Variants in PCDH15 observed in about 807,000 individuals in gnomAD.
PCDH15 encodes the protein protocadherin-15.
Under a neutral mutation model 178.5 loss-of-function variants are expected in PCDH15, and 129 were observed. The observed-to-expected ratio is 0.72, with a 90% CI of 0.63 to 0.84. The LOEUF (loss-of-function observed/expected upper bound fraction) is 0.84. PCDH15 is among the 40% of genes least tolerant of loss of function. The pLI, the probability that PCDH15 is intolerant of heterozygous loss-of-function variation, is 0.00. For synonymous variants in PCDH15, 800 were observed against 732.0 expected (o/e 1.09, Z -1.50); for missense variants, 2,230 against 2,099.9 (o/e 1.06, Z -1.21).
At chr10:55,408,033 A>G (rs1722983278) in intron 2 of PCDH15, among the ~76,000 whole-genome samples, 1 of 152,170 alleles carries the variant, frequency 6.6e-6, no homozygotes, top group South Asian at 2.1e-4. Flanking sequence ...CTAACCATAA[A>G]GATACCAAGA....
intron 6 of PCDH15, among the ~76,000 whole-genome samples, chr10:54,341,909 G>C (rs1430037362): frequency 6.6e-6 from 1 of 152,172 alleles, no homozygotes; most frequent in African/African-American, 2.4e-5. Context: ...TAGGGTATCT[G>C]GCAGGAGAAA....
rs921861687 is a variant in PCDH15 at position 55,527,710 on chromosome 10, C to A, written c.-156+99915G>T. Among the ~76,000 whole-genome samples the A allele has an allele frequency of 2.6e-5, 4 of 151,814 alleles. No homozygotes were observed. In the East Asian group the frequency reaches 7.8e-4, roughly 30 times the overall value. Reference sequence around the variant, plus strand: ...AAAAAGAGAAAGAATAAAAACAAAACAAAAATTTGACTTTTATGTATGACT... The same window carrying A: ...AAAAAGAGAAAGAATAAAAACAAAAAAAAAATTTGACTTTTATGTATGACT... On this transcript the variant is annotated intron_variant, in intron 2 of 5. Transcript: ENST00000613346.
At chr10:55,561,937 T>C (rs1464842518) in intron 2 of PCDH15, among the ~76,000 whole-genome samples, 1 of 151,996 alleles carries the variant, frequency 6.6e-6, no homozygotes, top group Non-Finnish European at 1.5e-5. Flanking sequence ...TGTCGTTTTA[T>C]GATTTTTTAG....
intron 2 of PCDH15, among the ~76,000 whole-genome samples, chr10:55,049,060 C>T (rs1438510296): frequency 6.6e-6 from 1 of 151,920 alleles, no homozygotes; most frequent in Admixed American, 6.6e-5. Flanking sequence ...CTCAAATTTC[C>T]TCATTCTTAG....
chr10:54,756,722 G>GAC lies in PCDH15; in HGVS notation c.-29+44202_-29+44203insGT, dbSNP rs900470881. On this transcript the variant is annotated intron_variant, in intron 1 of 37. Transcript: ENST00000644397. ...TCTGTCTGTCTGTATGTATGTGAAA[G>GAC]AGAGAGAGAGAGAGAGAGAGAAACT... Among the ~76,000 whole-genome samples, 76 of 38,654 alleles carry GAC rather than the reference G, an allele frequency of 2.0e-3. No individual in the cohort carries two copies. The South Asian group carries it at 0.039, about 20-fold the overall frequency. 25.4% of individuals were successfully genotyped at this position (38,654 alleles called of 152,430 possible).
At chr10:54,930,498 T>C (rs1462567028) in intron 2 of PCDH15, among the ~76,000 whole-genome samples, 2 of 152,140 alleles carry the variant, frequency 1.3e-5, no homozygotes, top group African/African-American at 4.8e-5. Flanking sequence ...CCTCAGGTAT[T>C]TACCCCAGAC....
At chr10:54,970,348 G>T (rs1176288415) in intron 2 of PCDH15, among the ~76,000 whole-genome samples, 3 of 152,120 alleles carry the variant, frequency 2.0e-5, no homozygotes, top group African/African-American at 7.2e-5. Context: ...CTAGAAAAAT[G>T]AAAGCAGCTT....
chr10:55,214,718 C>A (rs1350357593), intron 1 of PCDH15, among the ~76,000 whole-genome samples: 1 of 151,932 alleles, frequency 6.6e-6, no homozygotes, highest in African/African-American at 2.4e-5. Flanking sequence ...CTCAAGAGAT[C>A]CTCCCAACTC....
At chr10:54,834,302 G>C (rs567708718) in intron 3 of PCDH15, among the ~76,000 whole-genome samples, 147 of 151,456 alleles carry the variant, frequency 9.7e-4, no homozygotes, top group African/African-American at 3.4e-3. Context: ...TGATTCTCCT[G>C]CCTTAGCTTC....
chr10:53,972,822 A>C (rs2089846557), intron 21 of PCDH15, among the ~76,000 whole-genome samples: 1 of 152,164 alleles, frequency 6.6e-6, no homozygotes, highest in South Asian at 2.1e-4. Flanking sequence ...GAGAAACAGG[A>C]ACACTTTTAC....
intron 1 of PCDH15, among the ~76,000 whole-genome samples, chr10:55,299,524 G>T (rs1217140957): frequency 1.3e-5 from 2 of 152,106 alleles, no homozygotes; most frequent in African/African-American, 4.8e-5. Context: ...CACATAATTC[G>T]GGAGGGATCT....
intron 18 of PCDH15, among the ~76,000 whole-genome samples, chr10:54,040,606 C>T (rs896031477): frequency 6.6e-6 from 1 of 151,992 alleles, no homozygotes; most frequent in Non-Finnish European, 1.5e-5. Flanking sequence ...AATGCAGATG[C>T]TAATGTACTG....
intron 2 of PCDH15, among the ~76,000 whole-genome samples, chr10:55,092,231 T>C (rs1842336287): frequency 6.6e-6 from 1 of 151,878 alleles, no homozygotes; most frequent in Non-Finnish European, 1.5e-5. Flanking sequence ...TCCCTCTATA[T>C]AAACTCACCC....
chr10:54,643,772 CTTT>C (rs71010400), intron 2 of PCDH15, among the ~76,000 whole-genome samples: 5 of 116,832 alleles, frequency 4.3e-5, no homozygotes, highest in Non-Finnish European at 5.6e-5. Flanking sequence ...CAGTTATTTT[CTTT>C]TTTTTTTTTT....
chr10:55,104,242 T>C (rs918327187), intron 2 of PCDH15, among the ~76,000 whole-genome samples: 1 of 152,216 alleles, frequency 6.6e-6, no homozygotes, highest in Non-Finnish European at 1.5e-5. Context: ...TAAAAACCCA[T>C]TCATACAAAT....
intron 2 of PCDH15, among the ~76,000 whole-genome samples, chr10:54,577,294 A>G (rs776445283): frequency 2.8e-4 from 42 of 147,656 alleles, no homozygotes; most frequent in Admixed American, 7.5e-4. Flanking sequence ...GGGTTTCACC[A>G]TATTGGCCAG....
intron 1 of PCDH15, among the ~76,000 whole-genome samples, chr10:55,244,601 T>C (rs1841639754): frequency 6.6e-6 from 1 of 151,666 alleles, no homozygotes; most frequent in Non-Finnish European, 1.5e-5. Flanking sequence ...ACAAACACAC[T>C]GAATTTCACC....
At chr10:55,386,355 T>C (rs923127561) in intron 2 of PCDH15, among the ~76,000 whole-genome samples, 58 of 152,196 alleles carry the variant, frequency 3.8e-4, no homozygotes, top group Non-Finnish European at 7.4e-4. Context: ...AGTATTAATT[T>C]CCTTAATATT....
chr10:54,284,828 A>G (rs995804568), intron 8 of PCDH15, among the ~76,000 whole-genome samples: 1 of 152,142 alleles, frequency 6.6e-6, no homozygotes, highest in Non-Finnish European at 1.5e-5. Flanking sequence ...AGAGTAAAAA[A>G]TTAATCAGGA....
Sources: gnomAD v4.1 joint callset for allele counts (sites outside exome capture counted in the v4.1 genomes callset) on GRCh38, gnomAD v4.1.1 for gene constraint, MANE v1.5 for transcripts, NCBI Gene and HGNC (gene_info 2026-07-23, HGNC 2026-07-21) for gene names.